The following ARHGAP39 variants were observed in gnomAD, a reference collection of about 807,000 sequenced individuals.
ARHGAP39 encodes rho GTPase-activating protein 39.
A neutral mutation model predicts 106.9 loss-of-function variants in ARHGAP39; 44 were observed. The ratio of observed to expected loss-of-function variants is 0.41; its 90% CI spans 0.32 to 0.53. The LOEUF (loss-of-function observed/expected upper bound fraction) is 0.53. ARHGAP39 is among the 20% of genes least tolerant of loss of function. ARHGAP39 has a pLI of 0.21. For synonymous variants in ARHGAP39, 768 were observed against 693.2 expected (o/e 1.11, Z -1.69); for missense variants, 1,496 against 1,577.3 (o/e 0.95, Z 0.87).
intron 1 of ARHGAP39, among the ~76,000 whole-genome samples, chr8:144,607,972 C>A (rs2130950143): frequency 6.6e-6 from 1 of 152,092 alleles, no homozygotes; most frequent in South Asian, 2.1e-4. Context: ...GCCTAGCCAA[C>A]ACAGCGAAAC....
At chr8:144,597,653 T>C (rs1381941674) in intron 2 of ARHGAP39, among the ~76,000 whole-genome samples, 1 of 152,164 alleles carries the variant, frequency 6.6e-6, no homozygotes, top group Non-Finnish European at 1.5e-5. Flanking sequence ...TGGGTTGATA[T>C]GAAAAAGTCT....
chr8:144,555,091 G>A (rs1285863296), intron 4 of ARHGAP39, among the ~76,000 whole-genome samples: 1 of 152,232 alleles, frequency 6.6e-6, no homozygotes, highest in African/African-American at 2.4e-5. Context: ...CCCGCCCAGC[G>A]TGAAGGCAGT....
At chr8:144,650,013 C>T (rs1821536254) in intron 1 of ARHGAP39, among the ~76,000 whole-genome samples, 1 of 151,800 alleles carries the variant, frequency 6.6e-6, no homozygotes, top group Non-Finnish European at 1.5e-5. Flanking sequence ...CATGGTGGTG[C>T]ACGCCTGTAA....
intron 5 of ARHGAP39, among the ~76,000 whole-genome samples, chr8:144,546,393 T>C (rs1817422597): frequency 6.6e-6 from 1 of 152,136 alleles, no homozygotes; most frequent in Non-Finnish European, 1.5e-5. Context: ...GACCGGAAGC[T>C]GCTCTGAGTT....
Position 144,629,062 on chromosome 8 carries a change from G to A in ARHGAP39, c.-81-23367C>T, listed in dbSNP as rs114708972. Among the ~76,000 whole-genome samples the A allele has an allele frequency of 6.7e-3, 1,014 of 152,222 alleles. 12 individuals carry two copies. The highest frequency in any genetic ancestry group is 0.023 in the African/African-American group (942 of 41,532). ...CCAAAGGTGTTGGCTCACACCCTCC[G>A]TCCACTCCTTTACTGGATCTTACTA... On this transcript the variant is annotated intron_variant, in intron 1 of 11. Transcript: ENST00000377307.
chr8:144,557,405 C>T (rs111790458), intron 3 of ARHGAP39, among the ~76,000 whole-genome samples: 42 of 108,374 alleles, frequency 3.9e-4, no homozygotes, highest in African/African-American at 1.5e-3. Context: ...AAGGCTGAAC[C>T]TTCGTAGTAT....
rs545526094 is a variant in ARHGAP39 at position 144,542,798 on chromosome 8, G to C, written c.2521+2451C>G. 8.5e-5 allele frequency among the ~76,000 whole-genome samples: 13 copies of C among 152,092 alleles called. No individual in the cohort carries two copies. In the East Asian group the frequency reaches 2.4e-3, roughly 28 times the overall value. On this transcript the variant is annotated intron_variant, in intron 6 of 11. Coordinates refer to ENST00000377307, the MANE Select transcript of ARHGAP39 (RefSeq NM_025251.3). ...TACTAAAAATACAAAAACTAGCTGG[G>C]TATGGTGGCGCGCACCTGTGGTCCC...
At chr8:144,626,832 C>A (rs1820930454) in intron 1 of ARHGAP39, among the ~76,000 whole-genome samples, 1 of 152,240 alleles carries the variant, frequency 6.6e-6, no homozygotes, top group African/African-American at 2.4e-5. Context: ...AGTTCCCCCT[C>A]CTGACACTTG....
At chr8:144,602,472 T>C (rs1218998668) in intron 2 of ARHGAP39, among the ~76,000 whole-genome samples, 4 of 135,144 alleles carry the variant, frequency 3.0e-5, no homozygotes, top group Admixed American at 2.4e-4. Context: ...CCTGTGCATG[T>C]GCGTGGTGTG....
At chr8:144,589,352 C>T (rs1342996568) in intron 2 of ARHGAP39, among the ~76,000 whole-genome samples, 2 of 152,250 alleles carry the variant, frequency 1.3e-5, no homozygotes, top group Admixed American at 6.5e-5. Context: ...AGGCGTGTCC[C>T]GGCAGGGCCT....
intron 6 of ARHGAP39, among the ~76,000 whole-genome samples, chr8:144,542,664 C>T (rs1817245608): frequency 7.8e-6 from 1 of 128,446 alleles, no homozygotes; most frequent in Non-Finnish European, 1.6e-5. Flanking sequence ...CTTGGCCGGG[C>T]ACAATGGCTC....
intron 3 of ARHGAP39, among the ~76,000 whole-genome samples, chr8:144,575,640 C>T (rs1228645243): frequency 6.6e-6 from 1 of 152,104 alleles, no homozygotes; most frequent in Non-Finnish European, 1.5e-5. Flanking sequence ...TGGACACCTC[C>T]AGAAGGACCC....
chr8:144,690,029 G>A (rs990207049), upstream of ARHGAP39, among the ~76,000 whole-genome samples: 3 of 152,048 alleles, frequency 2.0e-5, no homozygotes, highest in Admixed American at 6.6e-5. Flanking sequence ...TTACAGGCGT[G>A]AGCCACCGCA....
intron 1 of ARHGAP39, among the ~76,000 whole-genome samples, chr8:144,657,269 GA>G (rs1213969688): frequency 7.2e-5 from 11 of 151,772 alleles, no homozygotes; most frequent in Middle Eastern, 6.8e-3. Context: ...AAAAGGAAAT[GA>G]AAAAGAAAAA....
In ARHGAP39 at chr8:144,585,165, G is replaced by A. The variant is rs1819132534; in HGVS notation, c.81-3888C>T. On this transcript the variant is annotated intron_variant, in intron 2 of 11. Coordinates refer to ENST00000377307, the MANE Select transcript of ARHGAP39 (RefSeq NM_025251.3). The surrounding 1 kb of genome is among the most constrained non-coding windows in gnomAD (Gnocchi z 4.6). ...CTCTCTGCTTTCACAGGACCATTAA[G>A]GGAAACCCCACAGCAGGGAGAACTG... Among the ~76,000 whole-genome samples the A allele has an allele frequency of 6.6e-6, 1 of 152,100 alleles. No homozygotes were observed. The highest frequency in any genetic ancestry group is 1.5e-5 in the Non-Finnish European group (1 of 67,998).
At chr8:144,602,413 G>A (rs1191803663) in intron 2 of ARHGAP39, among the ~76,000 whole-genome samples, 2 of 144,816 alleles carry the variant, frequency 1.4e-5, no homozygotes, top group Admixed American at 1.4e-4. Context: ...GCGTGTGTGT[G>A]CTTGTGTACC....
intron 2 of ARHGAP39, among the ~76,000 whole-genome samples, chr8:144,603,467 G>C (rs1323872825): frequency 6.6e-6 from 1 of 152,112 alleles, no homozygotes; most frequent in Non-Finnish European, 1.5e-5. Context: ...GAGGCGGGCA[G>C]ATCACGAGGT....
At chr8:144,600,810 CGCGTGTGTGTGCGTGGAG>C (rs1337398095) in intron 2 of ARHGAP39, among the ~76,000 whole-genome samples, 3 of 144,876 alleles carry the variant, frequency 2.1e-5, no homozygotes, top group Non-Finnish European at 4.5e-5. Flanking sequence ...TACCTACCTG[CGCGTGTGTGTGCGTGGAG>C]GCGTGTGTGT....
intron 1 of ARHGAP39, among the ~76,000 whole-genome samples, chr8:144,685,036 C>T (rs556531084): frequency 2.4e-4 from 36 of 152,306 alleles, no homozygotes; most frequent in African/African-American, 8.7e-4. Flanking sequence ...GGAATGCGGC[C>T]GGTGCCCCGA....
Sources: allele counts gnomAD v4.1 joint callset (sites outside exome capture counted in the v4.1 genomes callset), GRCh38; gene constraint gnomAD v4.1.1; non-coding constraint Gnocchi (gnomAD v3.1); transcripts MANE v1.5; gene names NCBI Gene and HGNC (gene_info 2026-07-23, HGNC 2026-07-21).